The following GRPEL2 variants were observed in gnomAD, a reference collection of about 807,000 sequenced individuals.
GRPEL2 encodes the protein grpE protein homolog 2, mitochondrial.
Under a neutral mutation model 25.9 loss-of-function variants are expected in GRPEL2, and 18 were observed. The observed-to-expected ratio is 0.70, with a 90% confidence interval of 0.48 to 1.03. The LOEUF is 1.03. Among genes scored for constraint, GRPEL2 ranks in the 50% least tolerant of loss-of-function variants. The pLI is 0.00. For synonymous variants in GRPEL2, 106 were observed against 107.9 expected, an observed-to-expected ratio of 0.98 and a Z score of 0.11; for missense variants, 247 against 276.2, an observed-to-expected ratio of 0.89 and a Z score of 0.75.
Position 149,349,141 on chromosome 5 carries a change from G to T in GRPEL2, c.232-513G>T, listed in dbSNP as rs141376409. Among the ~76,000 whole-genome samples, 207 of 152,226 alleles carry T rather than the reference G, an allele frequency of 1.4e-3. 3 individuals carry two copies. In the East Asian group the frequency reaches 0.032, roughly 24 times the overall value. The stretch of plus-strand genomic sequence containing the variant: ...CTCCCGAATAGCTGGGATTACAGGT[G>T]CCTGACACCATGCCAGGCTGATTTT... On this transcript the variant is annotated intron_variant, in intron 2 of 3. Coordinates refer to ENST00000329271, the MANE Select transcript of GRPEL2 (RefSeq NM_152407.4).
Position 149,345,595 on chromosome 5 carries a change from G to T in GRPEL2, c.56G>T (p.Trp19Leu). The T allele has an allele frequency of 6.2e-7, 1 of 1,611,084 alleles. No individual in the cohort carries two copies. The highest frequency in any genetic ancestry group is 8.5e-7 in the Non-Finnish European group (1 of 1,178,990). The change falls in exon 1 of 4, where the codon TGG becomes TTG. Residue 19 changes from tryptophan (W) to leucine (L), a missense_variant. Trp to Leu is a moderately conservative substitution (Grantham distance 61). Transcript: ENST00000329271. ...CTGCGGGTGCAGCGCCTACTGGCCT[G>T]GAGTGCCGCGTGGGAGAGCAAGTAA... ...GRLRVQRLLA[W>L]SAAWESKGWP...
At position 149,353,589 on chromosome 5, in the gene GRPEL2, G is replaced by GT. The variant is rs529101108; in HGVS notation, c.*2319dup. On this transcript the variant is annotated 3_prime_UTR_variant, in exon 4 of 4. Transcript: ENST00000329271. The stretch of plus-strand genomic sequence containing the variant: ...TTTGGTTTTTGGTTTTTGGTTTTTG[G>GT]TTTTTTTTTTTTGGTTGGTTGGTTG... 8.7e-3 allele frequency: 1,201 copies of GT among 137,282 alleles called. 8 individuals carry two copies. The highest frequency in any genetic ancestry group is 0.01 in the African/African-American group (387 of 37,054). The allele number at this position is 137,282 out of a possible 1,614,324, so 8.5% of individuals were successfully genotyped here.
intron 1 of GRPEL2, among the ~76,000 whole-genome samples, chr5:149,346,219 G>A (rs1452056037): frequency 6.6e-6 from 1 of 152,222 alleles, no homozygotes; most frequent in Non-Finnish European, 1.5e-5. Flanking sequence ...AAATATTTGG[G>A]AAGTGGTGGA....
intron 3 of GRPEL2, 25 bp downstream of exon 3, chr5:149,349,760 A>T (rs768453879): frequency 6.3e-7 from 1 of 1,579,910 alleles, no homozygotes; most frequent in African/African-American, 1.3e-5. Context: ...TACAATAAAA[A>T]TGTCTTTGGT....
rs997715382 is a variant in GRPEL2, at chr5:149,352,119, C to T, written c.*837C>T. On this transcript the variant is annotated 3_prime_UTR_variant, in exon 4 of 4. Transcript: ENST00000329271. ...TATTCCACCAGCCTTTACTCCTCTG[C>T]CCTTTTGTCAATTTTACCTTATAAT... 35 of 152,290 alleles carry T rather than the reference C, an allele frequency of 2.3e-4. 1 individual carries two copies. Among genetic ancestry groups the T allele is most frequent in the Admixed American group, 2.1e-3 (32 of 15,292 alleles). The allele number at this position is 152,290 out of a possible 1,614,324, so 9.4% of individuals were successfully genotyped here.
Position 149,351,171 on chromosome 5 carries a change from G to A in GRPEL2, c.567G>A (p.Gly189=). Residue 189 remains glycine, a synonymous_variant, in exon 4 of 4, where the codon GGG becomes GGA. Coordinates refer to ENST00000329271, the MANE Select transcript of GRPEL2 (RefSeq NM_152407.4). The part of the protein sequence containing the change: ...ELICHVPAGV[G]VQPGTVALVR... ...TCTGTCATGTGCCAGCTGGTGTTGGGGTGCAGCCTGGCACCGTGGCATTAG... is the reference window on the plus strand; with the variant it reads ...TCTGTCATGTGCCAGCTGGTGTTGGAGTGCAGCCTGGCACCGTGGCATTAG... 2 of 1,614,086 alleles carry A rather than the reference G, an allele frequency of 1.2e-6. No homozygotes were observed. The highest frequency in any genetic ancestry group is 2.2e-5 in the East Asian group (1 of 44,874).
rs1561695412 is a variant in GRPEL2 at position 149,350,984 on chromosome 5, T to C, written c.380T>C (p.Ile127Thr). ...ATTTTGGAGAAGACTACAGAGTGCA[T>C]TTCTGAAGAATCGGAGCCTGAGGAC... ...ADILEKTTEC[I>T]SEESEPEDQK... Residue 127 changes from isoleucine to threonine, a missense_variant, in exon 4 of 4, where the codon ATT (isoleucine) becomes ACT (threonine). Transcript: ENST00000329271. 6.2e-7 allele frequency: 1 copy of C among 1,614,204 alleles called. No homozygotes were observed.
At chr5:149,349,994 G>A in intron 3 of GRPEL2, 1 of 531,386 alleles carries the variant, frequency 1.9e-6, no homozygotes, top group Non-Finnish European at 3.3e-6. Flanking sequence ...CAGTAAGCCA[G>A]GATCATGCCC....
At chr5:149,346,886 C>T (rs1188479383) in intron 1 of GRPEL2, among the ~76,000 whole-genome samples, 3 of 151,392 alleles carry the variant, frequency 2.0e-5, no homozygotes, top group South Asian at 2.1e-4. Flanking sequence ...TACAGGCGCC[C>T]GCCACTACGC....
At chr5:149,349,586 C>A in intron 2 of GRPEL2, 68 bp from the exon 3 acceptor site, 2 of 1,157,758 alleles carry the variant, frequency 1.7e-6, no homozygotes, top group South Asian at 1.5e-5. Context: ...GTAAAGTAAG[C>A]AAAAACATTC....
chr5:149,349,915 G>T (rs1249913806), intron 3 of GRPEL2, 180 bp downstream of exon 3: 2 of 583,626 alleles, frequency 3.4e-6, no homozygotes, highest in Non-Finnish European at 6.0e-6. Flanking sequence ...ATGGTGGCAG[G>T]CGCCTGTAAT....
rs771380619 is a variant in GRPEL2 at position 149,351,028 on chromosome 5, A to G, written c.424A>G (p.Lys142Glu). 2.2e-5 allele frequency: 36 copies of G among 1,614,198 alleles called. No homozygotes were observed. The highest frequency in any genetic ancestry group is 3.0e-5 in the Non-Finnish European group (35 of 1,180,030). The change falls in exon 4 of 4, where the codon AAG becomes GAG. Residue 142 changes from lysine to glutamate, a missense_variant. By Grantham distance (56) the Lys-to-Glu change is moderately conservative. Coordinates refer to ENST00000329271, the MANE Select transcript of GRPEL2 (RefSeq NM_152407.4). The part of the protein sequence containing the change: ...EPEDQKLTLE[K>E]VFRGLLLLEA... Reference sequence around the variant, plus strand: ...TGAGGACCAAAAGCTCACTCTGGAGAAGGTCTTCCGAGGGTTGTTGCTTTT... The same window carrying G: ...TGAGGACCAAAAGCTCACTCTGGAGGAGGTCTTCCGAGGGTTGTTGCTTTT...
rs373963190 is a variant in GRPEL2 at position 149,348,434 on chromosome 5, A to G, written c.231+9A>G. ...AAGTCCAAGATTTAACAGTGAGTCAATTTTATATTTCTTCTTCATATCCTC... is the reference window on the plus strand; with the variant it reads ...AAGTCCAAGATTTAACAGTGAGTCAGTTTTATATTTCTTCTTCATATCCTC... On this transcript the variant is annotated intron_variant, in intron 2 of 3. Coordinates refer to ENST00000329271, the MANE Select transcript of GRPEL2 (RefSeq NM_152407.4). 5.1e-6 allele frequency: 8 copies of G among 1,581,108 alleles called. No individual in the cohort carries two copies. In the African/African-American group the frequency reaches 8.2e-5, roughly 16 times the overall value.
chr5:149,346,715 A>ATTTTTTTTTTTTTTTTT lies in GRPEL2; in HGVS notation c.77+1123_77+1139dup, dbSNP rs34300270. On this transcript the variant is annotated intron_variant, in intron 1 of 3. Coordinates refer to ENST00000329271, the MANE Select transcript of GRPEL2 (RefSeq NM_152407.4). ...TTTTCCCTTTGAACTGGCCCTGAGA[A>ATTTTTTTTTTTTTTTTT]TTTTTTTTTTTTTTTTTTTTTTTTT... Among the ~76,000 whole-genome samples, 5 of 59,262 alleles carry ATTTTTTTTTTTTTTTTT rather than the reference A, an allele frequency of 8.4e-5. 2 individuals carry two copies. Among genetic ancestry groups the ATTTTTTTTTTTTTTTTT allele is most frequent in the African/African-American group, 3.3e-4 (4 of 12,206 alleles). The allele number at this position is 59,262 out of a possible 152,430, so 38.9% of individuals were successfully genotyped here. A position where few individuals can be genotyped will look rare whatever the true frequency, so the allele number is the denominator to read the frequency against.
In GRPEL2 at chr5:149,351,416, C is replaced by G. The variant is rs1581359479; in HGVS notation, c.*134C>G. On this transcript the variant is annotated 3_prime_UTR_variant, in exon 4 of 4. Transcript: ENST00000329271. ...GGATTTAGTCATATTGGCTTTATTT[C>G]TAAGATATTCTATTGATTTAATGTG... The G allele has an allele frequency of 8.6e-6, 8 of 927,758 alleles. No homozygotes were observed. The East Asian group carries it at 2.0e-4, about 24-fold the overall frequency. The allele number at this position is 927,758 out of a possible 1,614,324, so 57.5% of individuals were successfully genotyped here.
intron 2 of GRPEL2, 23 bp downstream of exon 2, chr5:149,348,448 C>T (rs1757723305): frequency 1.3e-6 from 2 of 1,557,412 alleles, no homozygotes; most frequent in African/African-American, 1.4e-5. Flanking sequence ...TATATTTCTT[C>T]TTCATATCCT....
In GRPEL2 at chr5:149,354,036, ATT is replaced by A. The variant is rs1332104751; in HGVS notation, c.*2755_*2756del. 6.6e-6 allele frequency: 1 copy of A among 152,218 alleles called. No homozygotes were observed. Among genetic ancestry groups the A allele is most frequent in the Admixed American group, 6.5e-5 (1 of 15,274 alleles). The allele number at this position is 152,218 out of a possible 1,614,324, so 9.4% of individuals were successfully genotyped here. A position where few individuals can be genotyped will look rare whatever the true frequency, so the allele number is the denominator to read the frequency against. The stretch of plus-strand genomic sequence containing the variant: ...TTATTTTTATTTTTTTATTATGCAC[ATT>A]GTTTTTCCTGCCTTTTTATGGCTGT... On this transcript the variant is annotated 3_prime_UTR_variant, in exon 4 of 4. Transcript: ENST00000329271.
In GRPEL2 at chr5:149,351,718, T is replaced by C. The variant is rs1210935007; in HGVS notation, c.*436T>C. The C allele has an allele frequency of 6.4e-6, 1 of 156,390 alleles. No homozygotes were observed. The highest frequency in any genetic ancestry group is 1.9e-4 in the South Asian group (1 of 5,328). 9.7% of individuals were successfully genotyped at this position (156,390 alleles called of 1,614,324 possible). ...ATAAAGCTTCGTGGTCGTATAAATT[T>C]AGATCATTTGGATTGATTTTTATAC... On this transcript the variant is annotated 3_prime_UTR_variant, in exon 4 of 4. Coordinates refer to ENST00000329271, the MANE Select transcript of GRPEL2 (RefSeq NM_152407.4).
At chr5:149,348,791 T>C (rs1272746391) in intron 2 of GRPEL2, among the ~76,000 whole-genome samples, 1 of 152,214 alleles carries the variant, frequency 6.6e-6, no homozygotes, top group Non-Finnish European at 1.5e-5. Context: ...TCTGGCATAC[T>C]GGACCCAGTC....
Sources: gnomAD v4.1 joint callset for allele counts (sites outside exome capture counted in the v4.1 genomes callset) on GRCh38, gnomAD v4.1.1 for gene constraint, MANE v1.5 for transcripts, NCBI Gene and HGNC (gene_info 2026-07-23, HGNC 2026-07-21) for gene names.